The following GRID2 variants were observed in gnomAD, a reference collection of about 807,000 sequenced individuals.
The protein encoded by GRID2 is glutamate receptor ionotropic, delta-2.
Under a neutral mutation model 114.8 loss-of-function variants are expected in GRID2, and 33 were observed. That is an observed-to-expected ratio of 0.29 (90% CI 0.22 to 0.38). The LOEUF is 0.38. Among genes scored for constraint, GRID2 ranks in the 10% least tolerant of loss-of-function variants. The pLI is 1.00. For synonymous variants in GRID2, 505 were observed against 449.9 expected, an observed-to-expected ratio of 1.12 and a Z score of -1.55; for missense variants, 1,184 against 1,257.7, an observed-to-expected ratio of 0.94 and a Z score of 0.89.
rs770773435 is a variant in GRID2, at chr4:93,772,138, C to A, written c.2664C>A (p.Asp888Glu). ...HRRVNSLCTD[D>E]DSPHKQFSTS... is the part of the protein sequence containing the mutation. The stretch of plus-strand genomic sequence containing the variant: ...GTGTAAATAGCTTGTGCACAGATGA[C>A]GACAGCCCCCATAAACAGTTTTCCA... The change falls in exon 16 of 16, where the codon GAC (aspartate) becomes GAA (glutamate). Residue 888 changes from aspartate (D) to glutamate (E), a missense_variant. Asp to Glu is a conservative substitution (Grantham distance 45). Transcript: ENST00000282020. The A allele has an allele frequency of 6.2e-7, 1 of 1,612,068 alleles. No individual in the cohort carries two copies. Among genetic ancestry groups the A allele is most frequent in the Non-Finnish European group, 8.5e-7 (1 of 1,178,372 alleles).
chr4:92,468,905 C>T (rs945796616), intron 1 of GRID2, among the ~76,000 whole-genome samples: 4 of 152,024 alleles, frequency 2.6e-5, no homozygotes, highest in Middle Eastern at 3.4e-3. Context: ...GATGGAGGCC[C>T]GAAGAGAGGT....
At chr4:93,538,653 C>T (rs962619481) in intron 13 of GRID2, among the ~76,000 whole-genome samples, 2 of 151,632 alleles carry the variant, frequency 1.3e-5, no homozygotes, top group African/African-American at 4.8e-5. Flanking sequence ...CATTCCACTA[C>T]CATGGTATTC....
At chr4:93,158,971 A>C (rs932139532) in intron 4 of GRID2, among the ~76,000 whole-genome samples, 1 of 151,740 alleles carries the variant, frequency 6.6e-6, no homozygotes, top group Non-Finnish European at 1.5e-5. Flanking sequence ...TTGCTTTGGT[A>C]CAAAGATTCA....
chr4:92,634,846 C>T (rs1325177655), intron 2 of GRID2, among the ~76,000 whole-genome samples: 2 of 130,858 alleles, frequency 1.5e-5, no homozygotes, highest in African/African-American at 3.0e-5. Flanking sequence ...CGCATGCATT[C>T]GTTGCAGAGA....
chr4:93,769,312 G>A lies in GRID2; in HGVS notation c.2463G>A (p.Gln821=). 6.2e-7 allele frequency: 1 copy of A among 1,614,156 alleles called. No homozygotes were observed. The highest frequency in any genetic ancestry group is 2.2e-5 in the East Asian group (1 of 44,878). Residue 821 remains glutamine, a synonymous_variant, in exon 15 of 16, where the codon CAG becomes CAA. Coordinates refer to ENST00000282020, the MANE Select transcript of GRID2 (RefSeq NM_001510.4). ...CDLYSSVDTK[Q]KGGALDIKSF... ...TGTACTCGTCAGTGGACACAAAGCA[G>A]AAAGGAGGCGCCCTGGACATAAAGA...
At chr4:92,766,071 T>C (rs1412829222) in intron 2 of GRID2, among the ~76,000 whole-genome samples, 1 of 152,168 alleles carries the variant, frequency 6.6e-6, no homozygotes, top group Non-Finnish European at 1.5e-5. Context: ...TAGTGAGCTC[T>C]AGGAGATAGA....
At chr4:92,412,965 C>T (rs1346119264) in intron 1 of GRID2, among the ~76,000 whole-genome samples, 3 of 152,148 alleles carry the variant, frequency 2.0e-5, no homozygotes, top group African/African-American at 7.2e-5. Flanking sequence ...TTCTAGTGTT[C>T]CTCTGTATTT....
At chr4:93,352,175 T>G (rs911619191) in intron 8 of GRID2, among the ~76,000 whole-genome samples, 8 of 152,036 alleles carry the variant, frequency 5.3e-5, no homozygotes, top group Non-Finnish European at 8.8e-5. Flanking sequence ...AAGCCAGGCA[T>G]TCTCATCAGA....
chr4:92,602,768 CTGTT>C (rs1303513923), intron 2 of GRID2, among the ~76,000 whole-genome samples: 1 of 152,182 alleles, frequency 6.6e-6, no homozygotes, highest in Non-Finnish European at 1.5e-5. Context: ...CAAACTGTCT[CTGTT>C]TGTAGATGAC....
intron 2 of GRID2, among the ~76,000 whole-genome samples, chr4:92,852,487 C>T (rs1743891914): frequency 6.6e-6 from 1 of 152,056 alleles, no homozygotes; most frequent in African/African-American, 2.4e-5. Flanking sequence ...ATTTAAATTG[C>T]ATGCTTCACT....
chr4:93,210,446 A>C (rs902030943), intron 5 of GRID2, among the ~76,000 whole-genome samples: 1 of 152,014 alleles, frequency 6.6e-6, no homozygotes, highest in African/African-American at 2.4e-5. Flanking sequence ...GCATTCATCT[A>C]TGTGTCTGTT....
chr4:92,837,136 A>G (rs575147706), intron 2 of GRID2, among the ~76,000 whole-genome samples: 11 of 152,196 alleles, frequency 7.2e-5, no homozygotes, highest in South Asian at 2.1e-4. Flanking sequence ...AGGAGTTTCT[A>G]TAGCAGGGAA....
intron 13 of GRID2, among the ~76,000 whole-genome samples, chr4:93,615,092 A>G (rs1329411296): frequency 1.3e-5 from 2 of 152,196 alleles, no homozygotes; most frequent in African/African-American, 2.4e-5. Context: ...TGATGACACC[A>G]AGCTAAATAT....
At chr4:92,506,029 A>G (rs1454337039) in intron 1 of GRID2, among the ~76,000 whole-genome samples, 1 of 152,008 alleles carries the variant, frequency 6.6e-6, no homozygotes, top group East Asian at 1.9e-4. Context: ...TTGCATATTG[A>G]CTAAGCACAT....
intron 2 of GRID2, among the ~76,000 whole-genome samples, chr4:92,760,098 G>A (rs1212726451): frequency 6.6e-6 from 1 of 151,480 alleles, no homozygotes; most frequent in Admixed American, 6.6e-5. Context: ...AAATTAGCCA[G>A]GTGTGGTGGC....
chr4:93,354,042 CAT>C (rs146547671), intron 8 of GRID2, among the ~76,000 whole-genome samples: 8,324 of 151,920 alleles, frequency 0.055, 256 homozygotes, highest in Middle Eastern at 0.18. Context: ...CACACACACA[CAT>C]ATGCCAGACA....
intron 1 of GRID2, among the ~76,000 whole-genome samples, chr4:92,542,691 G>C (rs971509323): frequency 1.3e-5 from 2 of 151,876 alleles, no homozygotes; most frequent in African/African-American, 4.8e-5. Flanking sequence ...ACACTGCCCA[G>C]GTGATGGGTG....
chr4:93,599,614 A>G (rs982680197), intron 13 of GRID2, among the ~76,000 whole-genome samples: 4 of 152,184 alleles, frequency 2.6e-5, no homozygotes, highest in Admixed American at 2.0e-4. Flanking sequence ...TTATATACAC[A>G]CAGAAAAATG....
At chr4:92,619,937 A>C (rs1020036365) in intron 2 of GRID2, among the ~76,000 whole-genome samples, 2 of 151,588 alleles carry the variant, frequency 1.3e-5, no homozygotes, top group Non-Finnish European at 2.9e-5. Flanking sequence ...AATTTAGACC[A>C]TGTGATTCAG....
Sources: allele counts gnomAD v4.1 joint callset (sites outside exome capture counted in the v4.1 genomes callset), GRCh38; gene constraint gnomAD v4.1.1; transcripts MANE v1.5; gene names NCBI Gene and HGNC (gene_info 2026-07-23, HGNC 2026-07-21).